The following PTPRD variants were observed in gnomAD, a reference collection of about 807,000 sequenced individuals.
PTPRD encodes receptor-type tyrosine-protein phosphatase delta.
A neutral mutation model predicts 214.5 loss-of-function variants in PTPRD; 34 were observed. That is an observed-to-expected ratio of 0.16 (90% confidence interval 0.12 to 0.21). The LOEUF is 0.21. Ranked by LOEUF, PTPRD falls within the 10% of genes least tolerant of loss-of-function variation. The pLI is 1.00. For synonymous variants in PTPRD, 1,128 were observed against 845.7 expected (o/e 1.33, Z -5.79); for missense variants, 2,545 against 2,398.7 (o/e 1.06, Z -1.27).
intron 11 of PTPRD, among the ~76,000 whole-genome samples, chr9:8,961,317 C>A (rs1310186649): frequency 1.3e-5 from 2 of 152,190 alleles, no homozygotes; most frequent in East Asian, 3.9e-4. Flanking sequence ...ACAAAAGTTG[C>A]AAGTAAATCA....
chr9:9,931,678 T>C (rs1325324308), intron 5 of PTPRD, among the ~76,000 whole-genome samples: 1 of 150,880 alleles, frequency 6.6e-6, no homozygotes, highest in African/African-American at 2.4e-5. Context: ...CCAGGCGTGC[T>C]TAGGTAAACA....
At chr9:9,911,812 T>G (rs73402611) in intron 5 of PTPRD, among the ~76,000 whole-genome samples, 3,361 of 152,180 alleles carry the variant, frequency 0.022, 111 homozygotes, top group African/African-American at 0.076. Flanking sequence ...AATAATTCAT[T>G]TTAAAAATTT....
intron 7 of PTPRD, among the ~76,000 whole-genome samples, chr9:9,717,665 T>C (rs1445977172): frequency 6.6e-6 from 1 of 152,208 alleles, no homozygotes; most frequent in Non-Finnish European, 1.5e-5. Context: ...ATGGAACACT[T>C]AACCCATGAA....
chr9:8,694,708 T>C lies in PTPRD; in HGVS notation c.64+39072A>G, dbSNP rs530282384. Among the ~76,000 whole-genome samples, 3 of 152,374 alleles carry C rather than the reference T, an allele frequency of 2.0e-5. No individual in the cohort carries two copies. In the East Asian group the frequency reaches 5.8e-4, roughly 29 times the overall value. ...TCACAAATTCAATTCATAATTTCTT[T>C]TTAAGCTGCATATAATAAATACCTA... is the stretch of plus-strand genomic sequence containing the variant. On this transcript the variant is annotated intron_variant, in intron 12 of 45. Transcript: ENST00000381196.
chr9:9,688,502 T>C (rs1267687907), intron 7 of PTPRD, among the ~76,000 whole-genome samples: 1 of 151,838 alleles, frequency 6.6e-6, no homozygotes, highest in Non-Finnish European at 1.5e-5. Flanking sequence ...AGCCTATGAT[T>C]AAGATCAAAG....
intron 11 of PTPRD, among the ~76,000 whole-genome samples, chr9:8,899,407 G>A (rs1420968627): frequency 6.6e-6 from 1 of 152,164 alleles, no homozygotes; most frequent in Non-Finnish European, 1.5e-5. Flanking sequence ...GGATGGGATT[G>A]TGTCTCCGCA....
chr9:9,591,094 G>T (rs748660431), intron 7 of PTPRD, among the ~76,000 whole-genome samples: 3 of 152,000 alleles, frequency 2.0e-5, no homozygotes, highest in Non-Finnish European at 4.4e-5. Context: ...TGAAGACTAT[G>T]GACCTTAAAA....
At chr9:10,432,126 G>A (rs2098686049) in intron 2 of PTPRD, among the ~76,000 whole-genome samples, 2 of 151,814 alleles carry the variant, frequency 1.3e-5, no homozygotes, top group African/African-American at 4.8e-5. Context: ...ATGAGTTCAT[G>A]TCCTTTGTAG....
At chr9:10,489,312 C>T (rs537581864) in intron 2 of PTPRD, among the ~76,000 whole-genome samples, 3 of 152,224 alleles carry the variant, frequency 2.0e-5, no homozygotes, top group East Asian at 3.9e-4. Flanking sequence ...TATCCTACTG[C>T]GGCTGAGCTG....
chr9:8,437,000 A>G lies in PTPRD; in HGVS notation c.3989-311T>C, dbSNP rs543889515. The stretch of plus-strand genomic sequence containing the variant: ...TGGAAAAAACTGACAGTCAGGCTTG[A>G]TGTCAACTTCTGCTTTGAGTAATGA... On this transcript the variant is annotated intron_variant, in intron 34 of 45. Coordinates refer to ENST00000381196, the MANE Select transcript of PTPRD (RefSeq NM_002839.4). Among the ~76,000 whole-genome samples, 13 of 152,340 alleles carry G rather than the reference A, an allele frequency of 8.5e-5. No homozygotes were observed. The South Asian group carries it at 2.5e-3, about 29-fold the overall frequency.
intron 10 of PTPRD, among the ~76,000 whole-genome samples, chr9:9,176,005 C>G (rs2099924629): frequency 6.6e-6 from 1 of 152,244 alleles, no homozygotes; most frequent in Admixed American, 6.5e-5. Flanking sequence ...GTCTGCAACT[C>G]CTTCCCTCAG....
At chr9:9,604,476 G>C (rs908646873) in intron 7 of PTPRD, among the ~76,000 whole-genome samples, 1 of 152,016 alleles carries the variant, frequency 6.6e-6, no homozygotes, top group Non-Finnish European at 1.5e-5. Flanking sequence ...GTATGTTTTA[G>C]AATGTATGCT....
At chr9:10,168,367 C>G (rs1269865422) in intron 3 of PTPRD, among the ~76,000 whole-genome samples, 1 of 143,314 alleles carries the variant, frequency 7.0e-6, no homozygotes, top group Non-Finnish European at 1.6e-5. Context: ...ATAGGTAGTG[C>G]TGCTTAAAAT....
chr9:9,796,731 C>T (rs2099004938), intron 5 of PTPRD, among the ~76,000 whole-genome samples: 1 of 152,048 alleles, frequency 6.6e-6, no homozygotes, highest in African/African-American at 2.4e-5. Flanking sequence ...CATGAAAAAC[C>T]TAAAAATAGC....
chr9:9,273,134 T>G (rs889759663), intron 9 of PTPRD, among the ~76,000 whole-genome samples: 2 of 151,330 alleles, frequency 1.3e-5, no homozygotes, highest in Non-Finnish European at 3.0e-5. Flanking sequence ...CATTCCATTG[T>G]TAAGTGACCA....
At chr9:10,112,863 C>G (rs935627019) in intron 3 of PTPRD, among the ~76,000 whole-genome samples, 3 of 152,202 alleles carry the variant, frequency 2.0e-5, no homozygotes, top group African/African-American at 7.2e-5. Flanking sequence ...TAATTCCCTA[C>G]CTATATGTGA....
chr9:8,869,824 C>T (rs1401321124), intron 11 of PTPRD, among the ~76,000 whole-genome samples: 1 of 151,858 alleles, frequency 6.6e-6, no homozygotes, highest in African/African-American at 2.4e-5. Flanking sequence ...TTCTTACAGT[C>T]AGTTGTCCCT....
rs558308736 is a variant in PTPRD at position 9,766,938 on chromosome 9, C to A, written c.-367-87G>T. On this transcript the variant is annotated intron_variant, in intron 5 of 45. Coordinates refer to ENST00000381196, the MANE Select transcript of PTPRD (RefSeq NM_002839.4). Reference sequence around the variant, plus strand: ...CCAATATATAAAACTAAAATAAGAACAAATTTTAAAACTCCATCATTGCTC... The same window carrying A: ...CCAATATATAAAACTAAAATAAGAAAAAATTTTAAAACTCCATCATTGCTC... 7.9e-5 allele frequency: 12 copies of A among 151,850 alleles called. No individual in the cohort carries two copies. The highest frequency in any genetic ancestry group is 2.9e-4 in the African/African-American group (12 of 41,374). The allele number at this position is 151,850 out of a possible 1,614,324, so 9.4% of individuals were successfully genotyped here.
intron 2 of PTPRD, among the ~76,000 whole-genome samples, chr9:10,501,026 C>T (rs77579901): frequency 0.028 from 4,327 of 152,092 alleles, 209 homozygotes; most frequent in African/African-American, 0.098. Flanking sequence ...TTATCATATA[C>T]TGATTTCCTT....
Sources: allele counts gnomAD v4.1 joint callset (sites outside exome capture counted in the v4.1 genomes callset), GRCh38; gene constraint gnomAD v4.1.1; transcripts MANE v1.5; gene names NCBI Gene and HGNC (gene_info 2026-07-23, HGNC 2026-07-21).